The following TNR variants were observed in gnomAD, a reference collection of about 807,000 sequenced individuals.
TNR encodes tenascin R.
Under a neutral mutation model 150.4 loss-of-function variants are expected in TNR, and 45 were observed. The observed-to-expected ratio is 0.30, with a 90% CI of 0.24 to 0.38. TNR has a LOEUF of 0.38. Among genes scored for constraint, TNR ranks in the 10% least tolerant of loss-of-function variants. The pLI, the probability that TNR is intolerant of heterozygous loss-of-function variation, is 1.00. For synonymous variants in TNR, 687 were observed against 678.4 expected (o/e 1.01, Z -0.20); for missense variants, 1,544 against 1,759.1 (o/e 0.88, Z 2.19).
At chr1:175,666,382 AC>A (rs1179073484) in intron 1 of TNR, among the ~76,000 whole-genome samples, 2 of 152,002 alleles carry the variant, frequency 1.3e-5, no homozygotes, top group Non-Finnish European at 2.9e-5. Flanking sequence ...CATTCCCTTG[AC>A]CACTCTTAGA....
intron 2 of TNR, among the ~76,000 whole-genome samples, chr1:175,509,207 G>A (rs1023106505): frequency 3.9e-5 from 6 of 152,168 alleles, no homozygotes; most frequent in South Asian, 2.1e-4. Flanking sequence ...TCCTTCCTCC[G>A]CCAGTGGTGT....
rs535919412 is a variant in TNR at position 175,459,680 on chromosome 1, G to A, written c.-63-52903C>T. ...TCCAGGAGGTGGGGTGGCAGCAGTG[G>A]TGGCCATGGAGAGGGGAGCCTGAGA... is the stretch of plus-strand genomic sequence containing the variant. On this transcript the variant is annotated intron_variant, in intron 2 of 22. Coordinates refer to ENST00000367674, the MANE Select transcript of TNR (RefSeq NM_003285.3). Among the ~76,000 whole-genome samples the A allele has an allele frequency of 9.7e-4, 147 of 152,290 alleles. 2 individuals are homozygous for A. The highest frequency in any genetic ancestry group is 3.4e-3 in the Middle Eastern group (1 of 294).
chr1:175,478,139 C>G lies in TNR; in HGVS notation c.-64+50130G>C, dbSNP rs191047309. Among the ~76,000 whole-genome samples, 221 of 152,268 alleles carry G rather than the reference C, an allele frequency of 1.5e-3. 1 individual carries two copies. The highest frequency in any genetic ancestry group is 5.2e-3 in the African/African-American group (214 of 41,524). ...CCATTTGGGGTTATGTGTAATTGCT[C>G]TCTTGGATTTTTCACTCCATTGGCA... On this transcript the variant is annotated intron_variant, in intron 2 of 22. Coordinates refer to ENST00000367674, the MANE Select transcript of TNR (RefSeq NM_003285.3).
chr1:175,456,617 G>A (rs1445123551), intron 2 of TNR, among the ~76,000 whole-genome samples: 1 of 105,562 alleles, frequency 9.5e-6, no homozygotes, highest in East Asian at 2.1e-4. Flanking sequence ...ACTGAAGAAT[G>A]TTTTGCATGA....
At chr1:175,732,079 G>A (rs1032946107) in intron 1 of TNR, among the ~76,000 whole-genome samples, 8 of 152,156 alleles carry the variant, frequency 5.3e-5, no homozygotes, top group African/African-American at 1.7e-4. Context: ...AGCACTCCCT[G>A]CCTCCCCTTG....
intron 2 of TNR, among the ~76,000 whole-genome samples, chr1:175,455,705 T>G (rs977802304): frequency 6.6e-6 from 1 of 152,154 alleles, no homozygotes; most frequent in African/African-American, 2.4e-5. Context: ...ATGGGAGACA[T>G]TCGAGGAAGA....
chr1:175,337,765 G>C (rs933726541), intron 18 of TNR, 86 bp from the exon 19 acceptor site: 92 of 1,465,856 alleles, frequency 6.3e-5, no homozygotes, highest in Non-Finnish European at 7.9e-5. Context: ...GTCTTAGCAG[G>C]CCTCCTGGTA....
intron 2 of TNR, among the ~76,000 whole-genome samples, chr1:175,516,018 T>A (rs1343176520): frequency 6.6e-6 from 1 of 152,250 alleles, no homozygotes; most frequent in Admixed American, 6.5e-5. Context: ...TGGATGGATG[T>A]GAGGACTGTT....
In TNR at chr1:175,670,991, A is replaced by C. The variant is rs2076195; in HGVS notation, c.-165+72235T>G. On this transcript the variant is annotated intron_variant, in intron 1 of 22. Coordinates refer to ENST00000367674, the MANE Select transcript of TNR (RefSeq NM_003285.3). ...GAATGAGTTACAAGCTATTAAAATA[A>C]TTCAGGTGAAGGATGATGATGGCTG... Among the ~76,000 whole-genome samples the C allele has an allele frequency of 1.5e-3, 229 of 152,278 alleles. 5 individuals are homozygous for C. In the East Asian group the frequency reaches 0.039, roughly 26 times the overall value.
At chr1:175,654,845 A>G (rs1185784870) in intron 1 of TNR, among the ~76,000 whole-genome samples, 1 of 149,394 alleles carries the variant, frequency 6.7e-6, no homozygotes, top group Admixed American at 6.8e-5. Context: ...CAGCCTCCCG[A>G]GTAGCTGGGA....
chr1:175,612,010 T>C (rs7515728), intron 1 of TNR, among the ~76,000 whole-genome samples: 76,482 of 152,042 alleles, frequency 0.5, 21,359 homozygotes, highest in African/African-American at 0.77. Flanking sequence ...TTAGATGACA[T>C]GTGGCTTAGA....
chr1:175,359,139 C>CTTTTTTTGTTTTTTTTTTTTT (rs1651468636), intron 15 of TNR, among the ~76,000 whole-genome samples: 1 of 42,138 alleles, frequency 2.4e-5, no homozygotes, highest in Non-Finnish European at 4.3e-5. Context: ...GGGATATCTT[C>CTTTTTTTGTTTTTTTTTTTTT]TTTTTTTTTT....
chr1:175,426,831 AT>A (rs1654995267), intron 2 of TNR, among the ~76,000 whole-genome samples: 1 of 111,128 alleles, frequency 9.0e-6, no homozygotes, highest in Non-Finnish European at 1.7e-5. Flanking sequence ...TATATATAAA[AT>A]ATATTATATA....
chr1:175,441,640 T>G (rs1411294617), intron 2 of TNR, among the ~76,000 whole-genome samples: 1 of 152,088 alleles, frequency 6.6e-6, no homozygotes, highest in African/African-American at 2.4e-5. Flanking sequence ...GCTGTGTGTG[T>G]GTGTGTTGTG....
intron 1 of TNR, among the ~76,000 whole-genome samples, chr1:175,676,014 T>C (rs1665853896): frequency 6.6e-6 from 1 of 152,160 alleles, no homozygotes; most frequent in East Asian, 1.9e-4. Context: ...ATCCATAATA[T>C]GCATGGTGCC....
At chr1:175,507,362 T>C (rs780868116) in intron 2 of TNR, among the ~76,000 whole-genome samples, 3 of 152,204 alleles carry the variant, frequency 2.0e-5, no homozygotes, top group Admixed American at 6.5e-5. Flanking sequence ...CTTCCCTCTT[T>C]CTGCCATCAG....
intron 1 of TNR, among the ~76,000 whole-genome samples, chr1:175,576,829 G>T (rs944423480): frequency 6.6e-6 from 1 of 151,940 alleles, no homozygotes; most frequent in African/African-American, 2.4e-5. Context: ...CCAAAATAAG[G>T]CTCCTCTTCC....
intron 1 of TNR, among the ~76,000 whole-genome samples, chr1:175,653,254 T>C (rs1665057006): frequency 6.6e-6 from 1 of 152,242 alleles, no homozygotes; most frequent in South Asian, 2.1e-4. Flanking sequence ...ATCTAGGTGT[T>C]CTGTCCTAGG....
chr1:175,404,241 G>A (rs777446709), intron 3 of TNR, among the ~76,000 whole-genome samples: 2 of 152,130 alleles, frequency 1.3e-5, no homozygotes, highest in Non-Finnish European at 2.9e-5. Flanking sequence ...ACCTAAGGAG[G>A]TATAGGCTGA....
Sources: allele counts gnomAD v4.1 joint callset (sites outside exome capture counted in the v4.1 genomes callset), GRCh38; gene constraint gnomAD v4.1.1; transcripts MANE v1.5; gene names NCBI Gene and HGNC (gene_info 2026-07-23, HGNC 2026-07-21).